CST1: variants seen among roughly 807,000 people sequenced by gnomAD.
CST1 encodes cystatin SN, also known as cystatin-SN.
A neutral mutation model predicts 10.7 loss-of-function variants in CST1; 19 were observed. The observed-to-expected ratio is 1.78, with a 90% CI of 1.24 to 2.61. The LOEUF (loss-of-function observed/expected upper bound fraction) is 2.61. CST1 is among the 30% of genes most tolerant of loss of function. CST1 has a pLI of 0.00. For synonymous variants in CST1, 95 were observed against 72.8 expected (o/e 1.31, Z -1.55); for missense variants, 247 against 178.1 (o/e 1.39, Z -2.20).
chr20:23,750,396 C>T (rs150526241), intron 1 of CST1, among the ~76,000 whole-genome samples: 2,115 of 152,306 alleles, frequency 0.014, 28 homozygotes, highest in Non-Finnish European at 0.021. Context: ...CTGCTGGACC[C>T]TGGGAAATGC....
rs772749942 is a variant in CST1 at position 23,749,138 on chromosome 20, A to G, written c.229-9T>C. 1.2e-6 allele frequency: 2 copies of G among 1,614,068 alleles called. No homozygotes were observed. Among genetic ancestry groups the G allele is most frequent in the Admixed American group, 1.7e-5 (1 of 60,028 alleles). Reference sequence around the variant, plus strand: ...TTCACCCCCCCAACGGTCTGCACACAGGAGAAAACAGGACAGCGCCCCCAT... The same window carrying G: ...TTCACCCCCCCAACGGTCTGCACACGGGAGAAAACAGGACAGCGCCCCCAT... On this transcript the variant is annotated splice_polypyrimidine_tract_variant and intron_variant, in intron 1 of 2. Coordinates refer to ENST00000304749, the MANE Select transcript of CST1 (RefSeq NM_001898.3).
chr20:23,747,717 G>C lies in CST1; in HGVS notation c.*99C>G. ...TCTGTCTCTTGGCGCAGGCACATGG[G>C]GAGGCCTCCCGCAGGGTGGGGGCCA... On this transcript the variant is annotated 3_prime_UTR_variant, in exon 3 of 3. Transcript: ENST00000304749. 1 of 1,147,072 alleles carries C rather than the reference G, an allele frequency of 8.7e-7. No individual in the cohort carries two copies. The highest frequency in any genetic ancestry group is 2.5e-5 in the East Asian group (1 of 40,010). 71.1% of individuals were successfully genotyped at this position (1,147,072 alleles called of 1,614,324 possible). A position where few individuals can be genotyped will look rare whatever the true frequency, so the allele number is the denominator to read the frequency against.
intron 1 of CST1, among the ~76,000 whole-genome samples, chr20:23,750,437 G>A (rs942759164): frequency 2.0e-5 from 3 of 152,246 alleles, no homozygotes; most frequent in African/African-American, 7.2e-5. Context: ...AGTGGCTGCT[G>A]CAGGTTAAAG....
At chr20:23,748,290 G>A (rs1159221010) in intron 2 of CST1, among the ~76,000 whole-genome samples, 2 of 152,074 alleles carry the variant, frequency 1.3e-5, no homozygotes, top group Non-Finnish European at 2.9e-5. Context: ...CCAGGGCAGG[G>A]CAACTCCCCC....
At position 23,750,690 on chromosome 20, in the gene CST1, G is replaced by T. The variant is rs773666920; in HGVS notation, c.177C>A (p.Thr59=). The T allele has an allele frequency of 6.2e-7, 1 of 1,614,124 alleles. No individual in the cohort carries two copies. The highest frequency in any genetic ancestry group is 1.1e-5 in the South Asian group (1 of 91,082). ...GCGGACGTCTGTAGTAGTCATCTTT[G>T]GTGGCCTTGTTATACTCGCTGATGG... The part of the protein sequence containing the change: ...HFAISEYNKA[T]KDDYYRRPLR... The change falls in exon 1 of 3, where the codon ACC becomes ACA. Residue 59 remains threonine (T), a synonymous_variant. Coordinates refer to ENST00000304749, the MANE Select transcript of CST1 (RefSeq NM_001898.3).
Position 23,750,714 on chromosome 20 carries a change from G to A in CST1, c.153C>T (p.Ala51=), listed in dbSNP as rs1600406776. The stretch of plus-strand genomic sequence containing the variant: ...TGGTGGCCTTGTTATACTCGCTGAT[G>A]GCGAAGTGAAGGGCACGCTGTACCC... ...DEWVQRALHF[A]ISEYNKATKD... The change falls in exon 1 of 3, where the codon GCC becomes GCT. Residue 51 remains alanine, a synonymous_variant. Coordinates refer to ENST00000304749, the MANE Select transcript of CST1 (RefSeq NM_001898.3). 6.2e-7 allele frequency: 1 copy of A among 1,614,042 alleles called. No homozygotes were observed. The highest frequency in any genetic ancestry group is 1.3e-5 in the African/African-American group (1 of 74,914).
intron 2 of CST1, 143 bp from the exon 3 acceptor site, chr20:23,748,042 C>T: frequency 1.2e-6 from 1 of 812,442 alleles, no homozygotes. Context: ...TCCCAGAGTG[C>T]TGAACTAGAA....
chr20:23,747,922 C>A, intron 2 of CST1, 23 bp from the exon 3 acceptor site: 1 of 1,600,684 alleles, frequency 6.2e-7, no homozygotes, highest in East Asian at 2.2e-5. Flanking sequence ...AGAGAGAGGG[C>A]CAATCAGTGT....
rs1211054292 is a variant in CST1 at position 23,747,796 on chromosome 20, G to A, written c.*20C>T. On this transcript the variant is annotated 3_prime_UTR_variant, in exon 3 of 3. Transcript: ENST00000304749. Reference sequence around the variant, plus strand: ...GGTGGGAGTGGGTGGTGGCTGGTGCGAATGGCCTGGCACAGATCCCTAGGA... The same window carrying A: ...GGTGGGAGTGGGTGGTGGCTGGTGCAAATGGCCTGGCACAGATCCCTAGGA... 86 of 1,611,334 alleles carry A rather than the reference G, an allele frequency of 5.3e-5. 1 individual carries two copies. Among genetic ancestry groups the A allele is most frequent in the Non-Finnish European group, 6.6e-5 (78 of 1,177,806 alleles).
At chr20:23,750,574 C>T in intron 1 of CST1, 65 bp downstream of exon 1, 1 of 1,408,638 alleles carries the variant, frequency 7.1e-7, no homozygotes, top group East Asian at 2.3e-5. Context: ...GCTGGGAATG[C>T]TCTTGGGGGT....
chr20:23,750,811 A>G lies in CST1; in HGVS notation c.56T>C (p.Leu19Pro), dbSNP rs1982819062. The change falls in exon 1 of 3, where the codon CTG (leucine) becomes CCG (proline). Residue 19 changes from leucine to proline, a missense_variant. By Grantham distance (98) the Leu-to-Pro change is moderately conservative. Transcript: ENST00000304749. ...LLLLATLAVA[L>P]AWSPKEEDRI... ...ATCCTCCTCCTTGGGGCTCCAGGCC[A>G]GGGCCACAGCTAGGGTGGCCAGCAG... is the stretch of plus-strand genomic sequence containing the variant. The G allele has an allele frequency of 6.2e-7, 1 of 1,614,110 alleles. No individual in the cohort carries two copies. The highest frequency in any genetic ancestry group is 1.1e-5 in the South Asian group (1 of 91,074).
At chr20:23,749,861 G>A (rs1479077928) in intron 1 of CST1, among the ~76,000 whole-genome samples, 1 of 149,628 alleles carries the variant, frequency 6.7e-6, no homozygotes, top group Non-Finnish European at 1.5e-5. Flanking sequence ...ACCAGGGAGT[G>A]TATCTCGTAT....
rs1451189568 is a variant in CST1 at position 23,749,024 on chromosome 20, G to A, written c.334C>T (p.Leu112=). The change falls in exon 2 of 3, where the codon CTG becomes TTG. Residue 112 remains leucine, a synonymous_variant. Coordinates refer to ENST00000304749, the MANE Select transcript of CST1 (RefSeq NM_001898.3). ...CTGCATCAGGAACGTACCTTCTGCA[G>A]TTCTGGCTGTTCATGGAAGGCACAG... The part of the protein sequence containing the change: ...DTCAFHEQPE[L]QKKQLCSFEI... 1.2e-6 allele frequency: 2 copies of A among 1,614,212 alleles called. No individual in the cohort carries two copies. The highest frequency in any genetic ancestry group is 1.7e-6 in the Non-Finnish European group (2 of 1,180,030).
At chr20:23,748,406 G>A (rs1163791504) in intron 2 of CST1, among the ~76,000 whole-genome samples, 4 of 152,114 alleles carry the variant, frequency 2.6e-5, no homozygotes, top group East Asian at 1.9e-4. Context: ...GGTGTTGGGT[G>A]AGCCGGGCAG....
intron 2 of CST1, among the ~76,000 whole-genome samples, chr20:23,748,746 C>G (rs1178216954): frequency 1.3e-5 from 2 of 151,804 alleles, no homozygotes; most frequent in African/African-American, 4.9e-5. Context: ...GCCCCATACA[C>G]CCCCCACACA....
rs1425228752 is a variant in CST1, at chr20:23,750,809, C to T, written c.58G>A (p.Ala20Thr). The T allele has an allele frequency of 1.9e-6, 3 of 1,614,078 alleles. No individual in the cohort carries two copies. Among genetic ancestry groups the T allele is most frequent in the East Asian group, 2.2e-5 (1 of 44,854 alleles). Residue 20 changes from alanine (A) to threonine (T), a missense_variant, in exon 1 of 3, where the codon GCC becomes ACC. Physicochemically the swap from Ala to Thr is moderately conservative, Grantham distance 58. Transcript: ENST00000304749. ...LLLATLAVAL[A>T]WSPKEEDRII... ...CTATCCTCCTCCTTGGGGCTCCAGG[C>T]CAGGGCCACAGCTAGGGTGGCCAGC...
At position 23,750,021 on chromosome 20, in the gene CST1, T is replaced by C. The variant is rs535554326; in HGVS notation, c.228+618A>G. On this transcript the variant is annotated intron_variant, in intron 1 of 2. Coordinates refer to ENST00000304749, the MANE Select transcript of CST1 (RefSeq NM_001898.3). ...GGATGCAGGTCAAGCTGGGCCCAGT[T>C]GCCCTGCTGAAGCTCCCTCCCGACC... Among the ~76,000 whole-genome samples, 5 of 151,864 alleles carry C rather than the reference T, an allele frequency of 3.3e-5. No individual in the cohort carries two copies. The East Asian group carries it at 9.7e-4, about 29-fold the overall frequency.
intron 2 of CST1, among the ~76,000 whole-genome samples, chr20:23,748,489 T>C (rs1216779310): frequency 6.6e-6 from 1 of 152,050 alleles, no homozygotes; most frequent in African/African-American, 2.4e-5. Flanking sequence ...TGCATGCAGG[T>C]GCCTGAGGCT....
Position 23,749,145 on chromosome 20 carries a change from A to C in CST1, c.229-16T>G, listed in dbSNP as rs753546545. The C allele has an allele frequency of 1.2e-6, 2 of 1,613,726 alleles. No individual in the cohort carries two copies. The highest frequency in any genetic ancestry group is 2.2e-5 in the South Asian group (2 of 91,042). On this transcript the variant is annotated splice_polypyrimidine_tract_variant and intron_variant, in intron 1 of 2. Coordinates refer to ENST00000304749, the MANE Select transcript of CST1 (RefSeq NM_001898.3). ...CCCCAACGGTCTGCACACAGGAGAA[A>C]ACAGGACAGCGCCCCCATCAGTTCA...
Sources: allele counts gnomAD v4.1 joint callset (sites outside exome capture counted in the v4.1 genomes callset), GRCh38; gene constraint gnomAD v4.1.1; transcripts MANE v1.5; gene names NCBI Gene and HGNC (gene_info 2026-07-23, HGNC 2026-07-21).